The following UBL4A variants were observed in gnomAD, a reference collection of about 807,000 sequenced individuals.
The protein encoded by UBL4A is ubiquitin-like protein 4A.
Under a neutral mutation model 11.4 loss-of-function variants are expected in UBL4A, and 4 were observed. That is an observed-to-expected ratio of 0.35 (90% CI 0.17 to 0.81). UBL4A has a LOEUF of 0.81. Among genes scored for constraint, UBL4A ranks in the 30% least tolerant of loss-of-function variants. The pLI is 0.52. For synonymous variants in UBL4A, 72 were observed against 61.2 expected (o/e 1.18, Z -0.83); for missense variants, 112 against 124.9 (o/e 0.90, Z 0.49).
In UBL4A at chrX:154,485,939, G is replaced by C; in HGVS notation, c.195C>G (p.Ser65=). ...GGGGTTTGACCACTAGGTTGAGCTT[G>C]GAGTTGGGCCCGATGCTATAATCCG... ...RLSDYSIGPN[S]KLNLVVKPLE... is the part of the protein sequence containing the mutation. Residue 65 remains serine (S), a synonymous_variant, in exon 3 of 4, where the codon TCC becomes TCG. Transcript: ENST00000369660. 8.3e-7 allele frequency: 1 copy of C among 1,209,822 alleles called. No individual in the cohort carries two copies. Among genetic ancestry groups the C allele is most frequent in the Middle Eastern group, 2.3e-4 (1 of 4,345 alleles).
In UBL4A at chrX:154,486,313, C is replaced by A; in HGVS notation, c.69G>T (p.Val23=). ...CGGAGACCAGCTGCTTCAGCGTGGA[C>A]ACCAGCTCGTCCTCTGGCACCTGGC... The part of the protein sequence containing the change: ...CSLQVPEDEL[V]STLKQLVSEK... The change falls in exon 2 of 4, where the codon GTG becomes GTT. Residue 23 remains valine, a synonymous_variant. Transcript: ENST00000369660. The A allele has an allele frequency of 2.6e-6, 3 of 1,148,301 alleles. No individual in the cohort carries two copies. The highest frequency in any genetic ancestry group is 1.2e-6 in the Non-Finnish European group (1 of 864,229). The allele number at this position is 1,148,301 out of a possible 1,213,427, so 94.6% of individuals were successfully genotyped here.
rs1244057589 is a variant in UBL4A, at chrX:154,484,023, A to G, written c.*1516T>C. On this transcript the variant is annotated 3_prime_UTR_variant, in exon 4 of 4. Transcript: ENST00000369660. Reference sequence around the variant, plus strand: ...CCTTTATTGTTAAACCAATGATTGGATATCAGAAACAGCCTAGCTAATATA... The same window carrying G: ...CCTTTATTGTTAAACCAATGATTGGGTATCAGAAACAGCCTAGCTAATATA... 8.8e-6 allele frequency: 1 copy of G among 113,807 alleles called. No individual in the cohort carries two copies. Among genetic ancestry groups the G allele is most frequent in the Non-Finnish European group, 1.9e-5 (1 of 53,500 alleles). 9.4% of individuals were successfully genotyped at this position (113,807 alleles called of 1,213,427 possible).
In UBL4A at chrX:154,486,324, C is replaced by T; in HGVS notation, c.58G>A (p.Asp20Asn). 8.8e-7 allele frequency: 1 copy of T among 1,142,518 alleles called. No homozygotes were observed. The highest frequency in any genetic ancestry group is 1.2e-6 in the Non-Finnish European group (1 of 861,419). The allele number at this position is 1,142,518 out of a possible 1,213,427, so 94.2% of individuals were successfully genotyped here. The change falls in exon 2 of 4, where the codon GAC becomes AAC. Residue 20 changes from aspartate (D) to asparagine (N), a missense_variant. Coordinates refer to ENST00000369660, the MANE Select transcript of UBL4A (RefSeq NM_014235.5). ...GRECSLQVPE[D>N]ELVSTLKQLV... is the part of the protein sequence containing the mutation. ...TGCTTCAGCGTGGACACCAGCTCGT[C>T]CTCTGGCACCTGGCCGCGCGGAGGG...
At chrX:154,486,081 C>A (rs782051141) in intron 2 of UBL4A, 102 bp from the exon 3 acceptor site, 2 of 1,077,753 alleles carry the variant, frequency 1.9e-6, no homozygotes, top group Non-Finnish European at 2.5e-6. Flanking sequence ...CTGCGGCATC[C>A]GGCTGTGAGG....
Position 154,485,194 on chromosome X carries a change from AG to A in UBL4A, c.*344del. Reference sequence around the variant, plus strand: ...AGCTGCTTTCCCTTTCAGGATCGGGAGGGAGTCACCTGAGGGTATATTCTCA... The same window carrying A: ...AGCTGCTTTCCCTTTCAGGATCGGGAGGAGTCACCTGAGGGTATATTCTCA... On this transcript the variant is annotated 3_prime_UTR_variant, in exon 4 of 4. Transcript: ENST00000369660. 1.6e-5 allele frequency: 7 copies of A among 436,614 alleles called. No individual in the cohort carries two copies. The highest frequency in any genetic ancestry group is 1.4e-4 in the South Asian group (4 of 27,790). The allele number at this position is 436,614 out of a possible 1,213,427, so 36.0% of individuals were successfully genotyped here.
At position 154,485,191 on chromosome X, in the gene UBL4A, G is replaced by A. The variant is rs1845491532; in HGVS notation, c.*348C>T. On this transcript the variant is annotated 3_prime_UTR_variant, in exon 4 of 4. Transcript: ENST00000369660. ...GACAGCTGCTTTCCCTTTCAGGATCGGGAGGGAGTCACCTGAGGGTATATT... is the reference window on the plus strand; with the variant it reads ...GACAGCTGCTTTCCCTTTCAGGATCAGGAGGGAGTCACCTGAGGGTATATT... The A allele has an allele frequency of 1.1e-5, 5 of 436,185 alleles. No homozygotes were observed. The highest frequency in any genetic ancestry group is 2.5e-5 in the African/African-American group (1 of 40,132). 35.9% of individuals were successfully genotyped at this position (436,185 alleles called of 1,213,427 possible). A position where few individuals can be genotyped will look rare whatever the true frequency, so the allele number is the denominator to read the frequency against.
Position 154,485,611 on chromosome X carries a change from G to A in UBL4A, c.402C>T (p.Asp134=), listed in dbSNP as rs1332467411. 1 of 1,210,666 alleles carries A rather than the reference G, an allele frequency of 8.3e-7. No homozygotes were observed. The highest frequency in any genetic ancestry group is 1.1e-6 in the Non-Finnish European group (1 of 895,203). Residue 134 remains aspartate (D), a synonymous_variant, in exon 4 of 4, where the codon GAC becomes GAT. Coordinates refer to ENST00000369660, the MANE Select transcript of UBL4A (RefSeq NM_014235.5). ...GGAAGCGGCTGGCCAACCGTTCGATGTCGTCCAGCGTCAGGCGACTCAGGG... is the reference window on the plus strand; with the variant it reads ...GGAAGCGGCTGGCCAACCGTTCGATATCGTCCAGCGTCAGGCGACTCAGGG... ...ERSLSRLTLD[D]IERLASRFLH... is the part of the protein sequence containing the mutation.
rs782495324 is a variant in UBL4A, at chrX:154,483,872, C to A, written c.*1667G>T. ...TCGGAGGTGGTGGCCTGGGATGTAGCAGATACCAACGCAGAGGGAGGCAGA... is the reference window on the plus strand; with the variant it reads ...TCGGAGGTGGTGGCCTGGGATGTAGAAGATACCAACGCAGAGGGAGGCAGA... On this transcript the variant is annotated 3_prime_UTR_variant, in exon 4 of 4. Coordinates refer to ENST00000369660, the MANE Select transcript of UBL4A (RefSeq NM_014235.5). The A allele has an allele frequency of 8.0e-5, 9 of 112,705 alleles. No homozygotes were observed. Among genetic ancestry groups the A allele is most frequent in the African/African-American group, 2.9e-4 (9 of 31,051 alleles). 9.3% of individuals were successfully genotyped at this position (112,705 alleles called of 1,213,427 possible).
At position 154,485,995 on chromosome X, in the gene UBL4A, C is replaced by A; in HGVS notation, c.155-16G>T. 1 of 1,203,944 alleles carries A rather than the reference C, an allele frequency of 8.3e-7. No individual in the cohort carries two copies. The highest frequency in any genetic ancestry group is 1.1e-6 in the Non-Finnish European group (1 of 893,241). Reference sequence around the variant, plus strand: ...CGTTTCCCATCTGCCAAAGACAGATCGATGGGTTCCTCCTCCTCCACCGCC... The same window carrying A: ...CGTTTCCCATCTGCCAAAGACAGATAGATGGGTTCCTCCTCCTCCACCGCC... On this transcript the variant is annotated splice_polypyrimidine_tract_variant and intron_variant, in intron 2 of 3. Coordinates refer to ENST00000369660, the MANE Select transcript of UBL4A (RefSeq NM_014235.5).
In UBL4A at chrX:154,485,926, C is replaced by A; in HGVS notation, c.208G>T (p.Val70Leu). The change falls in exon 3 of 4, where the codon GTG (valine) becomes TTG (leucine). Residue 70 changes from valine to leucine, a missense_variant. Val to Leu is a conservative substitution (Grantham distance 32). Transcript: ENST00000369660. Reference protein sequence around the residue: ...SIGPNSKLNLVVKPLEKVLLE... With the variant: ...SIGPNSKLNLLVKPLEKVLLE... ...AGCACCTTCTCCAGGGGTTTGACCA[C>A]TAGGTTGAGCTTGGAGTTGGGCCCG... 8.3e-7 allele frequency: 1 copy of A among 1,210,398 alleles called. No individual in the cohort carries two copies. Among genetic ancestry groups the A allele is most frequent in the Non-Finnish European group, 1.1e-6 (1 of 895,515 alleles).
chrX:154,486,081 C>T (rs782051141), intron 2 of UBL4A, 102 bp from the exon 3 acceptor site: 9 of 1,076,605 alleles, frequency 8.4e-6, no homozygotes, highest in Non-Finnish European at 1.0e-5. Context: ...CTGCGGCATC[C>T]GGCTGTGAGG....
chrX:154,486,040 C>G (rs1557212824), intron 2 of UBL4A, 61 bp from the exon 3 acceptor site: 11 of 1,163,791 alleles, frequency 9.5e-6, no homozygotes, highest in Non-Finnish European at 1.3e-5. Flanking sequence ...GCCCGGGGCG[C>G]GAGGCCGCCT....
In UBL4A at chrX:154,485,456, A is replaced by G. The variant is rs782273206; in HGVS notation, c.*83T>C. On this transcript the variant is annotated 3_prime_UTR_variant, in exon 4 of 4. Coordinates refer to ENST00000369660, the MANE Select transcript of UBL4A (RefSeq NM_014235.5). ...GTACATGCCAGCTATGATGATGATG[A>G]GCCCAACTGCAACAGGAGAACACAC... 25 of 1,001,059 alleles carry G rather than the reference A, an allele frequency of 2.5e-5. No homozygotes were observed. Among genetic ancestry groups the G allele is most frequent in the Admixed American group, 4.4e-5 (2 of 45,500 alleles). 82.5% of individuals were successfully genotyped at this position (1,001,059 alleles called of 1,213,427 possible).
chrX:154,486,538 T>C lies in UBL4A; in HGVS notation c.47A>G (p.Gln16Arg), dbSNP rs2069300806. The change falls in exon 1 of 4, where the codon CAG (glutamine) becomes CGG (arginine). Residue 16 changes from glutamine to arginine, a missense_variant and splice_region_variant. Transcript: ENST00000369660. ...KALQGRECSL[Q>R]VPEDELVSTL... is the part of the protein sequence containing the mutation. Reference sequence around the variant, plus strand: ...GGCGGCCCGGCCCGGGGACCCTACCTGCAGGCTGCACTCGCGGCCCTGCAG... The same window carrying C: ...GGCGGCCCGGCCCGGGGACCCTACCCGCAGGCTGCACTCGCGGCCCTGCAG... 1.9e-6 allele frequency: 2 copies of C among 1,025,703 alleles called. No homozygotes were observed. The highest frequency in any genetic ancestry group is 4.1e-5 in the African/African-American group (2 of 48,493). The allele number at this position is 1,025,703 out of a possible 1,213,427, so 84.5% of individuals were successfully genotyped here. A position where few individuals can be genotyped will look rare whatever the true frequency, so the allele number is the denominator to read the frequency against.
intron 2 of UBL4A, 91 bp downstream of exon 2, chrX:154,486,137 C>A: frequency 9.4e-7 from 1 of 1,059,404 alleles, no homozygotes. Flanking sequence ...GGCGCCCGCA[C>A]CCCGACCCGA....
At position 154,484,216 on chromosome X, in the gene UBL4A, G is replaced by A. The variant is rs1485903797; in HGVS notation, c.*1323C>T. ...TGTCCCTGCCGTAGGTGGCTTTGAA[G>A]CCATATACATGGCTCTCCAGCTCTC... is the stretch of plus-strand genomic sequence containing the variant. On this transcript the variant is annotated 3_prime_UTR_variant, in exon 4 of 4. Transcript: ENST00000369660. The A allele has an allele frequency of 1.8e-5, 2 of 113,241 alleles. No individual in the cohort carries two copies. Among genetic ancestry groups the A allele is most frequent in the African/African-American group, 6.4e-5 (2 of 31,178 alleles). 9.3% of individuals were successfully genotyped at this position (113,241 alleles called of 1,213,427 possible). A position where few individuals can be genotyped will look rare whatever the true frequency, so the allele number is the denominator to read the frequency against.
intron 1 of UBL4A, 91 bp from the exon 2 acceptor site, chrX:154,486,424 G>A: frequency 3.0e-6 from 3 of 985,668 alleles, no homozygotes; most frequent in Non-Finnish European, 3.9e-6. Flanking sequence ...AGCTCTCCCG[G>A]CTCCCGGCCC....
In UBL4A at chrX:154,486,525, CG is replaced by C. The variant is rs1557212977; in HGVS notation, c.48+11del. 4 of 1,035,668 alleles carry C rather than the reference CG, an allele frequency of 3.9e-6. No homozygotes were observed. Among genetic ancestry groups the C allele is most frequent in the Non-Finnish European group, 4.9e-6 (4 of 809,604 alleles). 85.4% of individuals were successfully genotyped at this position (1,035,668 alleles called of 1,213,427 possible). On this transcript the variant is annotated intron_variant, in intron 1 of 3. Transcript: ENST00000369660. ...GCGCGCCGGACCCGGCGGCCCGGCC[CG>C]GGGACCCTACCTGCAGGCTGCACTC...
intron 1 of UBL4A, 84 bp from the exon 2 acceptor site, chrX:154,486,417 T>C: frequency 1.0e-6 from 1 of 982,757 alleles, no homozygotes. Flanking sequence ...CGAGGGCAGC[T>C]CTCCCGGCTC....
Sources: gnomAD v4.1 joint callset for allele counts on GRCh38, gnomAD v4.1.1 for gene constraint, MANE v1.5 for transcripts, NCBI Gene and HGNC (gene_info 2026-07-23, HGNC 2026-07-21) for gene names.